Variants in ANKRD28 observed in about 807,000 individuals in gnomAD.
The protein encoded by ANKRD28 is ankyrin repeat domain 28.
In ANKRD28, 44 loss-of-function variants were observed where a neutral mutation model predicts 126.5. The ratio of observed to expected loss-of-function variants is 0.35; its 90% CI spans 0.27 to 0.45. The LOEUF is 0.45. ANKRD28 is among the 20% of genes least tolerant of loss of function. ANKRD28 has a pLI of 1.00. For missense variants in ANKRD28, 1,110 were observed against 1,316.6 expected (o/e 0.84, Z 2.43); for synonymous variants, 442 against 468.5 (o/e 0.94, Z 0.73).
chr3:15,679,449 A>C (rs981814628), intron 22 of ANKRD28, 27 bp downstream of exon 22: 2 of 1,613,622 alleles, frequency 1.2e-6, no homozygotes, highest in Non-Finnish European at 1.7e-6. Flanking sequence ...ACTCAAACCA[A>C]ATCTGATTCA....
chr3:15,850,224 TAGAGAGAGAG>T (rs375278547), intron 1 of ANKRD28, among the ~76,000 whole-genome samples: 154 of 35,112 alleles, frequency 4.4e-3, no homozygotes, highest in African/African-American at 0.011. Flanking sequence ...TATATATATA[TAGAGAGAGAG>T]AGAGAGAGAG....
intron 8 of ANKRD28, among the ~76,000 whole-genome samples, chr3:15,719,791 G>A (rs913314862): frequency 6.6e-6 from 1 of 152,074 alleles, no homozygotes; most frequent in South Asian, 2.1e-4. Context: ...CTGGCCTCAA[G>A]TGATCTTCTC....
chr3:15,850,664 C>T (rs796930175), intron 1 of ANKRD28, among the ~76,000 whole-genome samples: 3 of 152,260 alleles, frequency 2.0e-5, no homozygotes, highest in African/African-American at 4.8e-5. Flanking sequence ...ACAGTGGCAT[C>T]CCCAGAGAGG....
upstream of ANKRD28, among the ~76,000 whole-genome samples, chr3:15,802,066 T>A (rs950120914): frequency 2.6e-5 from 4 of 152,194 alleles, no homozygotes; most frequent in African/African-American, 9.6e-5. Context: ...AGGCTTCCAT[T>A]TCAGCTTTAG....
chr3:15,724,165 C>T (rs780710655), intron 7 of ANKRD28, among the ~76,000 whole-genome samples: 1 of 152,138 alleles, frequency 6.6e-6, no homozygotes. Flanking sequence ...AATAAAACAC[C>T]TTTGAAGTGT....
chr3:15,739,777 C>G (rs757189311), intron 4 of ANKRD28, among the ~76,000 whole-genome samples: 2 of 152,154 alleles, frequency 1.3e-5, no homozygotes, highest in South Asian at 2.1e-4. Context: ...GTAGTCAGAA[C>G]AGTTTGAAAC....
At chr3:15,801,512 A>G (rs148688773), upstream of ANKRD28, among the ~76,000 whole-genome samples, 216 of 152,300 alleles carry the variant, frequency 1.4e-3, no homozygotes, top group Non-Finnish European at 2.7e-3. This position sits in a 1 kb window ranked among gnomAD's most constrained non-coding sequence, Gnocchi z 4.9. Flanking sequence ...GTGGTGAAAG[A>G]TGGTAAGGAA....
At position 15,712,239 on chromosome 3, in the gene ANKRD28, A is replaced by C; in HGVS notation, c.1191-17T>G. The C allele has an allele frequency of 1.3e-6, 2 of 1,548,730 alleles. No homozygotes were observed. Among genetic ancestry groups the C allele is most frequent in the Non-Finnish European group, 1.8e-6 (2 of 1,139,332 alleles). On this transcript the variant is annotated splice_polypyrimidine_tract_variant and intron_variant, in intron 10 of 27. Transcript: ENST00000683139. ...ATGCCACGCCTAAAGTTAATAGAACAGGACAGTATCTTCATTTTAACACAA... is the reference window on the plus strand; with the variant it reads ...ATGCCACGCCTAAAGTTAATAGAACCGGACAGTATCTTCATTTTAACACAA...
intron 4 of ANKRD28, among the ~76,000 whole-genome samples, chr3:15,743,370 ACAAAC>A (rs377388984): frequency 0.01 from 1,586 of 151,536 alleles, 20 homozygotes; most frequent in African/African-American, 0.023. Flanking sequence ...AAACAAACAA[ACAAAC>A]AAAAAAAAAC....
chr3:15,755,984 A>G (rs2058132177), intron 3 of ANKRD28, among the ~76,000 whole-genome samples: 1 of 152,238 alleles, frequency 6.6e-6, no homozygotes. Flanking sequence ...TGAGTACTAT[A>G]AACCAATATT....
Position 15,714,625 on chromosome 3 carries a change from G to C in ANKRD28, c.1028C>G (p.Thr343Ser), listed in dbSNP as rs2072780163. ...SKDGKTPLHM[T>S]ALHGRFSRSQ... is the part of the protein sequence containing the mutation. ...TCGGGAGAATCTACCGTGGAGAGCA[G>C]TCATGTGTAGTGGGGTTTTCCCATC... Residue 343 changes from threonine to serine, a missense_variant, in exon 9 of 28, where the codon ACT (threonine) becomes AGT (serine). Coordinates refer to ENST00000683139, the MANE Select transcript of ANKRD28 (RefSeq NM_001349278.2). 1 of 1,600,838 alleles carries C rather than the reference G, an allele frequency of 6.2e-7. No individual in the cohort carries two copies. Among genetic ancestry groups the C allele is most frequent in the Admixed American group, 1.8e-5 (1 of 56,920 alleles).
rs576024099 is a variant in ANKRD28 at position 15,759,631 on chromosome 3, C to T, written c.280+6603G>A. Among the ~76,000 whole-genome samples the T allele has an allele frequency of 1.7e-4, 26 of 152,092 alleles. No individual in the cohort carries two copies. The East Asian group carries it at 4.4e-3, about 26-fold the overall frequency. On this transcript the variant is annotated intron_variant, in intron 3 of 27. Transcript: ENST00000683139. ...AGTAGTTTTACTCTAAAACAAGTCA[C>T]CAAAATATAAAAGAGAATGAGAAGA...
chr3:15,842,709 A>AC (rs1327559355), intron 1 of ANKRD28, among the ~76,000 whole-genome samples: 2 of 152,156 alleles, frequency 1.3e-5, no homozygotes, highest in Non-Finnish European at 2.9e-5. Flanking sequence ...AAATATATAC[A>AC]CCTACTGTGT....
chr3:15,761,141 C>T (rs769045324), intron 3 of ANKRD28, among the ~76,000 whole-genome samples: 1 of 152,088 alleles, frequency 6.6e-6, no homozygotes, highest in Non-Finnish European at 1.5e-5. Flanking sequence ...CAGTAACTGA[C>T]TATTGTATGT....
chr3:15,741,186 G>A lies in ANKRD28; in HGVS notation c.352-3953C>T, dbSNP rs932162503. On this transcript the variant is annotated intron_variant, in intron 4 of 27. Coordinates refer to ENST00000683139, the MANE Select transcript of ANKRD28 (RefSeq NM_001349278.2). Reference sequence around the variant, plus strand: ...TGCACTCCAGCTTGGGCGACAGAGCGAGACTCCATCTCAAAAAAAAAAAAC... The same window carrying A: ...TGCACTCCAGCTTGGGCGACAGAGCAAGACTCCATCTCAAAAAAAAAAAAC... 1.1e-4 allele frequency among the ~76,000 whole-genome samples: 17 copies of A among 151,330 alleles called. No homozygotes were observed. The South Asian group carries it at 2.1e-3, about 19-fold the overall frequency.
chr3:15,695,571 A>ATTT (rs1469283484), intron 15 of ANKRD28, among the ~76,000 whole-genome samples: 4 of 152,152 alleles, frequency 2.6e-5, no homozygotes, highest in Non-Finnish European at 5.9e-5. Context: ...GGTAAGTCTA[A>ATTT]ATAAGAGCAT....
chr3:15,748,311 G>C (rs1396856506), intron 4 of ANKRD28, among the ~76,000 whole-genome samples: 1 of 152,120 alleles, frequency 6.6e-6, no homozygotes, highest in Non-Finnish European at 1.5e-5. Flanking sequence ...GTTTAAGGAG[G>C]TTCTATTTTG....
intron 6 of ANKRD28, 105 bp from the exon 7 acceptor site, chr3:15,724,629 T>A (rs913201789): frequency 9.6e-7 from 1 of 1,038,534 alleles, no homozygotes; most frequent in Admixed American, 2.7e-5. Flanking sequence ...AAATAGATGA[T>A]GCATGACAAG....
chr3:15,852,295 C>T (rs1386326225), intron 1 of ANKRD28, among the ~76,000 whole-genome samples: 1 of 152,140 alleles, frequency 6.6e-6, no homozygotes, highest in Admixed American at 6.5e-5. Context: ...ATTTATGCTT[C>T]CTTATTATAA....
Sources: gnomAD v4.1 joint callset for allele counts (sites outside exome capture counted in the v4.1 genomes callset) on GRCh38, gnomAD v4.1.1 for gene constraint, Gnocchi (gnomAD v3.1) non-coding constraint, MANE v1.5 for transcripts, NCBI Gene and HGNC (gene_info 2026-07-23, HGNC 2026-07-21) for gene names.